SYT14: variants seen among roughly 807,000 people sequenced by gnomAD.
SYT14 encodes the protein synaptotagmin-14.
A neutral mutation model predicts 74.2 loss-of-function variants in SYT14; 32 were observed. That is an observed-to-expected ratio of 0.43 (90% CI 0.33 to 0.58). The LOEUF is 0.58. SYT14 is among the 20% of genes least tolerant of loss of function. SYT14 has a pLI of 0.05. For synonymous variants in SYT14, 298 were observed against 337.7 expected (o/e 0.88, Z 1.29); for missense variants, 791 against 981.8 (o/e 0.81, Z 2.60).
intron 5 of SYT14, among the ~76,000 whole-genome samples, chr1:210,091,906 G>C (rs944441732): frequency 1.3e-5 from 2 of 152,158 alleles, no homozygotes; most frequent in African/African-American, 4.8e-5. Flanking sequence ...GAGGCAATAT[G>C]CTCAAGACTT....
Position 210,134,360 on chromosome 1 carries a change from G to A in SYT14, c.2035-21361G>A, listed in dbSNP as rs560071626. On this transcript the variant is annotated intron_variant, in intron 7 of 9. Transcript: ENST00000637265. ...GGGCTCAAGCAATCCACCCGCTTCA[G>A]CCTCCCAAAGTGCTGGGATTACAGG... 2.0e-5 allele frequency among the ~76,000 whole-genome samples: 3 copies of A among 152,194 alleles called. No individual in the cohort carries two copies. The East Asian group carries it at 5.8e-4, about 29-fold the overall frequency.
chr1:210,121,305 T>G (rs1327189701), intron 7 of SYT14, among the ~76,000 whole-genome samples: 1 of 152,326 alleles, frequency 6.6e-6, no homozygotes, highest in African/African-American at 2.4e-5. Flanking sequence ...GTAATCTTAA[T>G]TAGATACTAG....
intron 5 of SYT14, among the ~76,000 whole-genome samples, chr1:210,050,699 A>G (rs2080977573): frequency 6.6e-6 from 1 of 152,206 alleles, no homozygotes; most frequent in South Asian, 2.1e-4. Flanking sequence ...CACGTCTCAC[A>G]TGGTGGCAGA....
intron 1 of SYT14, among the ~76,000 whole-genome samples, chr1:209,948,688 A>G (rs1034849038): frequency 1.3e-5 from 2 of 151,444 alleles, no homozygotes; most frequent in Admixed American, 6.6e-5. Flanking sequence ...ATAATGTTCT[A>G]TTTTTTTTTC....
intron 2 of SYT14, among the ~76,000 whole-genome samples, chr1:209,977,797 G>A (rs1009614926): frequency 6.6e-6 from 1 of 152,176 alleles, no homozygotes; most frequent in African/African-American, 2.4e-5. Context: ...ATCCTGCAGA[G>A]TGTTTTCCAA....
chr1:210,123,159 C>T (rs2102616633), intron 7 of SYT14, among the ~76,000 whole-genome samples: 1 of 152,292 alleles, frequency 6.6e-6, no homozygotes, highest in Admixed American at 6.5e-5. Context: ...GGATTAGGCA[C>T]ATATAATTAT....
chr1:210,104,853 GAATATAGGAGTCTTTATTA>G (rs1407999885), intron 7 of SYT14, among the ~76,000 whole-genome samples: 1 of 152,104 alleles, frequency 6.6e-6, no homozygotes, highest in Non-Finnish European at 1.5e-5. Flanking sequence ...ACAATTCTCA[GAATATAGGAGTCTTTATTA>G]AATCCTTGGT....
At chr1:210,006,610 T>C (rs1038909017) in intron 2 of SYT14, among the ~76,000 whole-genome samples, 1 of 152,004 alleles carries the variant, frequency 6.6e-6, no homozygotes, top group Non-Finnish European at 1.5e-5. Flanking sequence ...TAGTGTTTCA[T>C]GCCCAGCAGG....
At chr1:210,059,801 T>TA (rs2081174888) in intron 5 of SYT14, among the ~76,000 whole-genome samples, 1 of 152,140 alleles carries the variant, frequency 6.6e-6, no homozygotes, top group Non-Finnish European at 1.5e-5. Context: ...TTTGGATTGT[T>TA]ACATTCACTT....
At chr1:209,977,208 T>G (rs1414847216) in intron 2 of SYT14, among the ~76,000 whole-genome samples, 1 of 152,186 alleles carries the variant, frequency 6.6e-6, no homozygotes, top group Non-Finnish European at 1.5e-5. Context: ...CCATTTACAT[T>G]AAAGGTTAAT....
intron 7 of SYT14, among the ~76,000 whole-genome samples, chr1:210,115,513 A>C (rs916349642): frequency 6.6e-6 from 1 of 151,342 alleles, no homozygotes; most frequent in Admixed American, 6.6e-5. Context: ...TGTCTTCCAG[A>C]GTCCGTTACC....
chr1:209,998,897 T>A (rs369522234), intron 2 of SYT14, among the ~76,000 whole-genome samples: 114 of 152,152 alleles, frequency 7.5e-4, no homozygotes, highest in African/African-American at 2.6e-3. Flanking sequence ...ATTTTATGGC[T>A]AAGACCTCAA....
exon 10 of SYT14, chr1:210,165,337 A>G (rs2083444643): frequency 6.6e-6 from 1 of 152,202 alleles, no homozygotes; most frequent in Non-Finnish European, 1.5e-5. Flanking sequence ...AGACTAGAAA[A>G]GAAGATCAGA....
At chr1:210,066,755 T>C (rs934757423) in intron 5 of SYT14, among the ~76,000 whole-genome samples, 6 of 152,134 alleles carry the variant, frequency 3.9e-5, no homozygotes, top group African/African-American at 1.4e-4. Context: ...CAATTTTGGC[T>C]TTTGTAGGTA....
chr1:209,981,450 C>CTTTTTTTTTTTTTTTTTTTTTTCT (rs1183885685), intron 2 of SYT14, among the ~76,000 whole-genome samples: 5 of 99,050 alleles, frequency 5.0e-5, no homozygotes, highest in Admixed American at 2.5e-4. Flanking sequence ...TTTTTCTTTT[C>CTTTTTTTTTTTTTTTTTTTTTTCT]TTTTTTTTTT....
intron 2 of SYT14, among the ~76,000 whole-genome samples, chr1:209,999,370 A>G (rs1421235524): frequency 6.6e-6 from 1 of 152,140 alleles, no homozygotes; most frequent in African/African-American, 2.4e-5. Context: ...GTAAAAATAG[A>G]ACTACCATAC....
intron 1 of SYT14, among the ~76,000 whole-genome samples, chr1:209,948,678 A>G (rs12064990): frequency 0.034 from 5,190 of 152,306 alleles, 611 homozygotes; most frequent in Admixed American, 0.23. Flanking sequence ...TACATTAAAT[A>G]TAATGTTCTA....
intron 7 of SYT14, among the ~76,000 whole-genome samples, chr1:210,127,626 A>G (rs1335572952): frequency 6.6e-6 from 1 of 152,220 alleles, no homozygotes; most frequent in Non-Finnish European, 1.5e-5. Flanking sequence ...CTTCAAATTC[A>G]TGCTTTAATA....
At chr1:209,941,410 A>G (rs2078728211) in intron 1 of SYT14, among the ~76,000 whole-genome samples, 1 of 152,216 alleles carries the variant, frequency 6.6e-6, no homozygotes, top group African/African-American at 2.4e-5. Context: ...TGATCTGGCA[A>G]TACCAGGTTG....
Sources: allele counts gnomAD v4.1 joint callset (sites outside exome capture counted in the v4.1 genomes callset), GRCh38; gene constraint gnomAD v4.1.1; transcripts MANE v1.5; gene names NCBI Gene and HGNC (gene_info 2026-07-23, HGNC 2026-07-21).